The following FNBP1L variants were observed in gnomAD, a reference collection of about 807,000 sequenced individuals.
FNBP1L encodes the protein formin-binding protein 1-like.
Under a neutral mutation model 91.2 loss-of-function variants are expected in FNBP1L, and 36 were observed. The observed-to-expected ratio is 0.39, with a 90% CI of 0.30 to 0.52. The LOEUF (loss-of-function observed/expected upper bound fraction) is 0.52. FNBP1L is among the 20% of genes least tolerant of loss of function. The pLI is 0.66. For synonymous variants in FNBP1L, 242 were observed against 237.0 expected (o/e 1.02, Z -0.19); for missense variants, 571 against 732.1 (o/e 0.78, Z 2.54).
At chr1:93,530,679 G>A in intron 6 of FNBP1L, 76 bp from the exon 7 acceptor site, 1 of 1,492,396 alleles carries the variant, frequency 6.7e-7, no homozygotes, top group Non-Finnish European at 9.0e-7. Flanking sequence ...ATAAAATCTA[G>A]TTTTAGTATA....
Position 93,552,445 on chromosome 1 carries a change from G to A in FNBP1L, c.*29G>A. 6.2e-7 allele frequency: 1 copy of A among 1,612,180 alleles called. No individual in the cohort carries two copies. The highest frequency in any genetic ancestry group is 1.7e-4 in the Middle Eastern group (1 of 6,056). ...GGGTTTCTGAGGAAATGGGCAAGATGTTGAAGGAGGTTACATGCAGCTGCT... is the reference window on the plus strand; with the variant it reads ...GGGTTTCTGAGGAAATGGGCAAGATATTGAAGGAGGTTACATGCAGCTGCT... On this transcript the variant is annotated 3_prime_UTR_variant, in exon 17 of 17. Coordinates refer to ENST00000271234, the MANE Select transcript of FNBP1L (RefSeq NM_001164473.3).
At chr1:93,547,898 T>C (rs1181522774) in intron 14 of FNBP1L, among the ~76,000 whole-genome samples, 2 of 152,208 alleles carry the variant, frequency 1.3e-5, no homozygotes, top group Non-Finnish European at 2.9e-5. Flanking sequence ...TTTCTTGATG[T>C]ATTATATCTT....
chr1:93,497,116 C>G (rs1026414192), intron 1 of FNBP1L, among the ~76,000 whole-genome samples: 8 of 152,064 alleles, frequency 5.3e-5, no homozygotes, highest in African/African-American at 1.9e-4. Flanking sequence ...TCCGCCACCA[C>G]GCCTGGCTAA....
intron 2 of FNBP1L, among the ~76,000 whole-genome samples, chr1:93,509,302 A>G (rs1035867219): frequency 6.6e-6 from 1 of 152,098 alleles, no homozygotes; most frequent in Admixed American, 6.5e-5. Flanking sequence ...TCATCATTCA[A>G]CCTCCACAGT....
intron 12 of FNBP1L, among the ~76,000 whole-genome samples, chr1:93,545,802 G>T (rs1184117421): frequency 6.6e-6 from 1 of 151,150 alleles, no homozygotes; most frequent in Non-Finnish European, 1.5e-5. Flanking sequence ...AAAGTAGGTT[G>T]TACTTTCACC....
chr1:93,465,773 C>T (rs1035117041), intron 1 of FNBP1L, among the ~76,000 whole-genome samples: 7 of 152,178 alleles, frequency 4.6e-5, no homozygotes, highest in South Asian at 2.1e-4. Context: ...CTTGAGGAAT[C>T]GCCACACTGT....
intron 1 of FNBP1L, among the ~76,000 whole-genome samples, chr1:93,491,776 A>G (rs1670099026): frequency 6.6e-6 from 1 of 152,220 alleles, no homozygotes; most frequent in Non-Finnish European, 1.5e-5. Context: ...AACCTTAAAT[A>G]TACTTAACAC....
chr1:93,522,855 T>C (rs1471458890), intron 3 of FNBP1L, among the ~76,000 whole-genome samples: 2 of 152,182 alleles, frequency 1.3e-5, no homozygotes, highest in Non-Finnish European at 2.9e-5. Context: ...CCCGCTTTGG[T>C]GTCAACTATA....
At chr1:93,455,019 C>T (rs1057306959) in intron 1 of FNBP1L, among the ~76,000 whole-genome samples, 10 of 152,170 alleles carry the variant, frequency 6.6e-5, no homozygotes, top group Non-Finnish European at 1.5e-5. Flanking sequence ...AGCTCTGCCT[C>T]ATGGGTTCAT....
chr1:93,480,957 T>C (rs368462167), intron 1 of FNBP1L, among the ~76,000 whole-genome samples: 5 of 152,162 alleles, frequency 3.3e-5, no homozygotes, highest in African/African-American at 9.7e-5. Flanking sequence ...TCTTCCAATT[T>C]GTGCAAGAGC....
At chr1:93,550,378 A>C (rs1672367392) in intron 15 of FNBP1L, among the ~76,000 whole-genome samples, 1 of 152,188 alleles carries the variant, frequency 6.6e-6, no homozygotes, top group African/African-American at 2.4e-5. Context: ...GCAATTTGGC[A>C]CGTGTTAAAT....
At chr1:93,484,009 A>T (rs1486437887) in intron 1 of FNBP1L, among the ~76,000 whole-genome samples, 1 of 152,192 alleles carries the variant, frequency 6.6e-6, no homozygotes, top group Non-Finnish European at 1.5e-5. Context: ...GCTCACCACA[A>T]CTTCTGCCTC....
At chr1:93,483,771 T>G (rs1033611399) in intron 1 of FNBP1L, among the ~76,000 whole-genome samples, 3 of 152,218 alleles carry the variant, frequency 2.0e-5, no homozygotes, top group African/African-American at 7.2e-5. Flanking sequence ...TTCCTTCAGA[T>G]TAGATTAGAG....
intron 5 of FNBP1L, among the ~76,000 whole-genome samples, chr1:93,525,678 G>A (rs1205335350): frequency 6.6e-6 from 1 of 152,066 alleles, no homozygotes; most frequent in Non-Finnish European, 1.5e-5. Context: ...ATTGACCGTT[G>A]TTAAGCAAAA....
At chr1:93,459,466 A>G (rs1035052277) in intron 1 of FNBP1L, among the ~76,000 whole-genome samples, 1 of 152,238 alleles carries the variant, frequency 6.6e-6, no homozygotes, top group Non-Finnish European at 1.5e-5. Flanking sequence ...CAACATGTAT[A>G]TGAAAAAATG....
chr1:93,511,410 G>C (rs1670836977), intron 2 of FNBP1L, among the ~76,000 whole-genome samples: 1 of 152,174 alleles, frequency 6.6e-6, no homozygotes, highest in Non-Finnish European at 1.5e-5. Context: ...AATGCTGAGA[G>C]ATTTTGTCAC....
At chr1:93,518,144 G>A (rs191099302) in intron 2 of FNBP1L, among the ~76,000 whole-genome samples, 60 of 152,186 alleles carry the variant, frequency 3.9e-4, no homozygotes, top group African/African-American at 1.4e-3. Context: ...TAGAGTTCTA[G>A]TTTTTACTAT....
At position 93,549,336 on chromosome 1, in the gene FNBP1L, C is replaced by T. The variant is rs1223508587; in HGVS notation, c.1561C>T (p.His521Tyr). 1 of 1,612,924 alleles carries T rather than the reference C, an allele frequency of 6.2e-7. No individual in the cohort carries two copies. The highest frequency in any genetic ancestry group is 8.5e-7 in the Non-Finnish European group (1 of 1,179,376). Residue 521 changes from histidine to tyrosine, a missense_variant, in exon 15 of 17, where the codon CAT (histidine) becomes TAT (tyrosine). Transcript: ENST00000271234. ...NQEVRGPPQQ[H>Y]GHHNEFDDEF... ...GGAAGTCCGTGGGCCACCCCAGCAG[C>T]ATGGTCACCACAATGAGTTTGATGA...
chr1:93,499,565 A>G lies in FNBP1L; in HGVS notation c.122A>G (p.Asn41Ser), dbSNP rs1370191597. Residue 41 changes from asparagine to serine, a missense_variant, in exon 2 of 17, where the codon AAC (asparagine) becomes AGC (serine). Coordinates refer to ENST00000271234, the MANE Select transcript of FNBP1L (RefSeq NM_001164473.3). ...AAAGAGAGGATAGAAATTGAACAGA[A>G]CTATGCGAAACAATTGAGGTAAGTT... ...FVKERIEIEQ[N>S]YAKQLRNLVK... 1 of 1,578,864 alleles carries G rather than the reference A, an allele frequency of 6.3e-7. No individual in the cohort carries two copies. Among genetic ancestry groups the G allele is most frequent in the Admixed American group, 2.0e-5 (1 of 50,928 alleles).
Sources: gnomAD v4.1 joint callset for allele counts (sites outside exome capture counted in the v4.1 genomes callset) on GRCh38, gnomAD v4.1.1 for gene constraint, MANE v1.5 for transcripts, NCBI Gene and HGNC (gene_info 2026-07-23, HGNC 2026-07-21) for gene names.